The following WDR35 variants were observed in gnomAD, a reference collection of about 807,000 sequenced individuals.
WDR35 encodes the protein WD repeat-containing protein 35.
A neutral mutation model predicts 158.3 loss-of-function variants in WDR35; 118 were observed. That is an observed-to-expected ratio of 0.75 (90% confidence interval 0.64 to 0.87). WDR35 has a LOEUF of 0.87. Ranked by LOEUF, WDR35 falls within the 40% of genes least tolerant of loss-of-function variation. WDR35 has a pLI of 0.00. For missense variants in WDR35, 1,263 were observed against 1,405.8 expected (o/e 0.90, Z 1.62); for synonymous variants, 448 against 476.1 (o/e 0.94, Z 0.77).
chr2:19,920,155 A>C (rs1166939912), intron 25 of WDR35, among the ~76,000 whole-genome samples: 1 of 152,232 alleles, frequency 6.6e-6, no homozygotes, highest in East Asian at 1.9e-4. Flanking sequence ...AGAGGTATAA[A>C]GAGGAGCTGG....
At chr2:19,974,224 C>G (rs995359059) in intron 7 of WDR35, among the ~76,000 whole-genome samples, 1 of 152,050 alleles carries the variant, frequency 6.6e-6, no homozygotes, top group African/African-American at 2.4e-5. Context: ...TCCTGGCTAA[C>G]AGGGTGAAAC....
rs1670635641 is a variant in WDR35 at position 19,934,599 on chromosome 2, G to C, written c.2547+872C>G. Among the ~76,000 whole-genome samples, 2 of 151,652 alleles carry C rather than the reference G, an allele frequency of 1.3e-5. No homozygotes were observed. The highest frequency in any genetic ancestry group is 2.9e-5 in the Non-Finnish European group (2 of 67,904). ...TTTACTCAGGAATATTACTATTCTG[G>C]ATACCCTACAGCAAAATGTTTATCG... is the stretch of plus-strand genomic sequence containing the variant. On this transcript the variant is annotated intron_variant, in intron 21 of 26. Transcript: ENST00000281405. This position sits in a 1 kb window ranked among gnomAD's most constrained non-coding sequence, Gnocchi z 4.6.
chr2:19,937,608 G>A, intron 19 of WDR35, 135 bp downstream of exon 19: 1 of 1,173,818 alleles, frequency 8.5e-7, no homozygotes, highest in South Asian at 1.3e-5. Flanking sequence ...GAATATCTAG[G>A]TTGTAATCCA....
rs1010809378 is a variant in WDR35, at chr2:19,930,286, A to G, written c.3121+110T>C. The G allele has an allele frequency of 3.6e-5, 54 of 1,504,058 alleles. 1 individual carries two copies. In the Admixed American group the frequency reaches 8.8e-4, roughly 24 times the overall value. 93.2% of individuals were successfully genotyped at this position (1,504,058 alleles called of 1,614,324 possible). ...GACTCAAACATAGGAAAATAAATCC[A>G]TAGGAAAAAATGTTATTGAAGGCCA... On this transcript the variant is annotated intron_variant, in intron 25 of 26. Transcript: ENST00000281405.
chr2:19,923,235 C>G (rs1670235408), intron 25 of WDR35, among the ~76,000 whole-genome samples: 1 of 152,156 alleles, frequency 6.6e-6, no homozygotes, highest in Admixed American at 6.5e-5. Flanking sequence ...GAGTTAGGGT[C>G]TCCCCGACCG....
intron 22 of WDR35, 30 bp downstream of exon 22, chr2:19,933,371 G>A (rs758149419): frequency 6.4e-7 from 1 of 1,567,218 alleles, no homozygotes; most frequent in Non-Finnish European, 8.8e-7. Flanking sequence ...AAGACAATAA[G>A]CTGCACAGAC....
chr2:19,918,493 C>T (rs1487096866), intron 25 of WDR35, among the ~76,000 whole-genome samples: 1 of 152,088 alleles, frequency 6.6e-6, no homozygotes, highest in African/African-American at 2.4e-5. Flanking sequence ...GCAGGAGACC[C>T]ATCTCACGGG....
rs1669861618 is a variant in WDR35 at position 19,912,234 on chromosome 2, A to T, written c.*1324T>A. 6.6e-6 allele frequency: 1 copy of T among 152,184 alleles called. No individual in the cohort carries two copies. Among genetic ancestry groups the T allele is most frequent in the South Asian group, 2.1e-4 (1 of 4,830 alleles). The allele number at this position is 152,184 out of a possible 1,614,324, so 9.4% of individuals were successfully genotyped here. On this transcript the variant is annotated 3_prime_UTR_variant, in exon 27 of 27. Transcript: ENST00000281405. ...GTTCAATAAACCAATGTATTTTGAG[A>T]ATTTTTATTTGGTTTATAAGGCTTT...
chr2:19,954,367 T>A (rs1671354481), intron 11 of WDR35, among the ~76,000 whole-genome samples: 1 of 152,210 alleles, frequency 6.6e-6, no homozygotes, highest in Admixed American at 6.5e-5. Context: ...CAAAGGACAC[T>A]ATCAAGAAAG....
At chr2:19,927,798 G>A (rs1670403148) in intron 25 of WDR35, among the ~76,000 whole-genome samples, 1 of 152,216 alleles carries the variant, frequency 6.6e-6, no homozygotes, top group South Asian at 2.1e-4. Flanking sequence ...AGGAGCTGCA[G>A]ACAGATTAGC....
At chr2:19,961,864 AT>A (rs1410523294) in intron 10 of WDR35, among the ~76,000 whole-genome samples, 1 of 152,218 alleles carries the variant, frequency 6.6e-6, no homozygotes, top group Non-Finnish European at 1.5e-5. Context: ...GCTCCTGCTC[AT>A]TCTATTCATC....
chr2:19,974,330 AC>A lies in WDR35; in HGVS notation c.736+137del, dbSNP rs1325980251. The A allele has an allele frequency of 2.2e-5, 18 of 800,268 alleles. No individual in the cohort carries two copies. In the East Asian group the frequency reaches 5.3e-4, roughly 24 times the overall value. The allele number at this position is 800,268 out of a possible 1,614,324, so 49.6% of individuals were successfully genotyped here. On this transcript the variant is annotated intron_variant, in intron 7 of 26. Transcript: ENST00000281405. ...AGGCTGAGGCAGGAAATTCGCTTGAACCCGGGAGGCAGAAGTTGCCGTGAGC... is the reference window on the plus strand; with the variant it reads ...AGGCTGAGGCAGGAAATTCGCTTGAACCGGGAGGCAGAAGTTGCCGTGAGC...
At chr2:19,961,237 T>G (rs1671641370) in intron 10 of WDR35, among the ~76,000 whole-genome samples, 2 of 152,146 alleles carry the variant, frequency 1.3e-5, no homozygotes, top group South Asian at 4.1e-4. Context: ...ACAACTCACT[T>G]TAAGAAGGGA....
intron 25 of WDR35, among the ~76,000 whole-genome samples, chr2:19,929,241 C>T (rs897072526): frequency 1.3e-5 from 2 of 152,080 alleles, no homozygotes; most frequent in African/African-American, 4.8e-5. Flanking sequence ...CTCTAAAGAG[C>T]TCTTATAAAA....
At chr2:19,915,598 T>G (rs1344313975) in intron 25 of WDR35, among the ~76,000 whole-genome samples, 1 of 152,016 alleles carries the variant, frequency 6.6e-6, no homozygotes. Flanking sequence ...TAGTTAAAAC[T>G]AAATGAAGGT....
At chr2:19,970,735 G>GC (rs1428328615) in intron 8 of WDR35, among the ~76,000 whole-genome samples, 3 of 152,048 alleles carry the variant, frequency 2.0e-5, no homozygotes, top group Non-Finnish European at 2.9e-5. Flanking sequence ...CACAGCTTTG[G>GC]CCTATACAAT....
At chr2:19,978,228 CGA>C (rs979984113) in intron 5 of WDR35, among the ~76,000 whole-genome samples, 3 of 150,584 alleles carry the variant, frequency 2.0e-5, no homozygotes, top group East Asian at 1.9e-4. Flanking sequence ...ACAGAGCGAG[CGA>C]GAGAGAGAAA....
intron 25 of WDR35, among the ~76,000 whole-genome samples, chr2:19,914,627 G>GT (rs1184666015): frequency 6.6e-6 from 1 of 151,982 alleles, no homozygotes; most frequent in Non-Finnish European, 1.5e-5. Flanking sequence ...AAGCAAATGA[G>GT]TATTATACTA....
rs377562812 is a variant in WDR35, at chr2:19,972,744, T to C, written c.882+819A>G. ...TATATAAAAATAACATTAAAACAAC[T>C]GGTATAGGCTTTTATGCAGCCAAAA... is the stretch of plus-strand genomic sequence containing the variant. On this transcript the variant is annotated intron_variant, in intron 8 of 26. Transcript: ENST00000281405. 3.9e-5 allele frequency among the ~76,000 whole-genome samples: 6 copies of C among 152,122 alleles called. No homozygotes were observed. The East Asian group carries it at 1.2e-3, about 29-fold the overall frequency.
Sources: allele counts gnomAD v4.1 joint callset (sites outside exome capture counted in the v4.1 genomes callset), GRCh38; gene constraint gnomAD v4.1.1; non-coding constraint Gnocchi (gnomAD v3.1); transcripts MANE v1.5; gene names NCBI Gene and HGNC (gene_info 2026-07-23, HGNC 2026-07-21).